The following CDC123 variants were observed in gnomAD, a reference collection of about 807,000 sequenced individuals.
The protein encoded by CDC123 is translation initiation factor eIF2 assembly protein.
A neutral mutation model predicts 54.4 loss-of-function variants in CDC123; 37 were observed. The ratio of observed to expected loss-of-function variants is 0.68; its 90% CI spans 0.52 to 0.89. The LOEUF is 0.89. Among genes scored for constraint, CDC123 ranks in the 40% least tolerant of loss-of-function variants. The probability of loss-of-function intolerance (pLI) is 0.00; values close to 1 mark genes in which losing one functional copy is unlikely to be tolerated. For missense variants in CDC123, 361 were observed against 412.1 expected, an observed-to-expected ratio of 0.88 and a Z score of 1.07; for synonymous variants, 144 against 136.8, an observed-to-expected ratio of 1.05 and a Z score of -0.37.
intron 2 of CDC123, among the ~76,000 whole-genome samples, chr10:12,199,184 G>A (rs142504775): frequency 6.6e-6 from 1 of 152,036 alleles, no homozygotes; most frequent in Non-Finnish European, 1.5e-5. Context: ...AACTACCGTG[G>A]CCCCCCCTCC....
rs199646985 is a variant in CDC123 at position 12,219,301 on chromosome 10, TGTATTG to T, written c.440+1840_440+1845del. On this transcript the variant is annotated intron_variant, in intron 6 of 12. Coordinates refer to ENST00000281141, the MANE Select transcript of CDC123 (RefSeq NM_006023.3). ...ATGTTTATTGTATAAGGATTTTACT[TGTATTG>T]GTATTTCTAGTTTTATAGAAAAAAG... 5.3e-3 allele frequency among the ~76,000 whole-genome samples: 809 copies of T among 152,232 alleles called. 2 individuals are homozygous for T. Among genetic ancestry groups the T allele is most frequent in the African/African-American group, 0.019 (774 of 41,530 alleles).
At chr10:12,215,971 C>T in intron 5 of CDC123, 136 bp downstream of exon 5, 1 of 546,986 alleles carries the variant, frequency 1.8e-6, no homozygotes, top group East Asian at 3.4e-5. Context: ...TATTAATTTC[C>T]CTCTACTGTT....
intron 10 of CDC123, among the ~76,000 whole-genome samples, chr10:12,241,854 C>G (rs1836062458): frequency 6.6e-6 from 1 of 152,140 alleles, no homozygotes; most frequent in African/African-American, 2.4e-5. Flanking sequence ...AGACTGTCGC[C>G]TTCTGGAGTT....
At chr10:12,209,374 C>T (rs1261635041) in intron 2 of CDC123, among the ~76,000 whole-genome samples, 2 of 151,990 alleles carry the variant, frequency 1.3e-5, no homozygotes, top group Non-Finnish European at 2.9e-5. Flanking sequence ...ATAGCTGTGA[C>T]CACAGGTGTT....
intron 6 of CDC123, among the ~76,000 whole-genome samples, chr10:12,229,250 G>A (rs1473699524): frequency 6.6e-6 from 1 of 152,196 alleles, no homozygotes; most frequent in Non-Finnish European, 1.5e-5. Flanking sequence ...TGTGAACACA[G>A]TGATATTCTT....
intron 4 of CDC123, among the ~76,000 whole-genome samples, chr10:12,212,154 G>A (rs570268568): frequency 3.9e-5 from 6 of 152,144 alleles, no homozygotes; most frequent in Non-Finnish European, 8.8e-5. Flanking sequence ...ATATAAAGGT[G>A]TGTGTGTGTA....
At chr10:12,233,278 T>TAC (rs57596982) in intron 7 of CDC123, among the ~76,000 whole-genome samples, 2,804 of 145,646 alleles carry the variant, frequency 0.019, 40 homozygotes, top group East Asian at 0.052. Flanking sequence ...GTATTTAAAA[T>TAC]ACACACACAC....
chr10:12,233,673 T>G (rs1010886940), intron 7 of CDC123, among the ~76,000 whole-genome samples: 7 of 152,090 alleles, frequency 4.6e-5, no homozygotes, highest in Admixed American at 2.0e-4. Flanking sequence ...AGTATTTTAG[T>G]TTCAGATTCA....
chr10:12,221,786 TTTA>T, intron 6 of CDC123, among the ~76,000 whole-genome samples: 1 of 149,432 alleles, frequency 6.7e-6, no homozygotes, highest in Non-Finnish European at 1.5e-5. Context: ...TATTTATTTA[TTTA>T]TTTTTTATTT....
intron 6 of CDC123, among the ~76,000 whole-genome samples, chr10:12,219,812 G>T (rs748869432): frequency 3.0e-4 from 46 of 151,672 alleles, no homozygotes; most frequent in Non-Finnish European, 5.4e-4. Context: ...AGCCTCCCAA[G>T]TAGCTGGGAT....
chr10:12,196,461 T>C, intron 1 of CDC123, 142 bp downstream of exon 1: 2 of 1,144,002 alleles, frequency 1.7e-6, no homozygotes, highest in Non-Finnish European at 2.5e-6. Context: ...ACATCAGCAA[T>C]TGTCTGCGTC....
intron 11 of CDC123, among the ~76,000 whole-genome samples, chr10:12,248,720 C>G (rs1018100680): frequency 6.6e-6 from 1 of 151,836 alleles, no homozygotes; most frequent in African/African-American, 2.4e-5. Flanking sequence ...GCAGGAGAAT[C>G]GCTTGAACCT....
At chr10:12,233,969 G>C (rs749319757) in intron 7 of CDC123, among the ~76,000 whole-genome samples, 1 of 152,040 alleles carries the variant, frequency 6.6e-6, no homozygotes, top group Non-Finnish European at 1.5e-5. Flanking sequence ...TGAGAAAATA[G>C]TGAGAGAGTT....
chr10:12,225,185 G>A (rs551773703), intron 6 of CDC123, among the ~76,000 whole-genome samples: 30 of 152,136 alleles, frequency 2.0e-4, no homozygotes, highest in Admixed American at 8.5e-4. Flanking sequence ...ACCTAAGGTC[G>A]GGAGTTTGAG....
At position 12,196,403 on chromosome 10, in the gene CDC123, G is replaced by T. The variant is rs904629142; in HGVS notation, c.74+84G>T. ...GAATCTTACTGCTATCCAAAAAAAT[G>T]CAGGCCTTCTAGCGACTGCATGGGA... On this transcript the variant is annotated intron_variant, in intron 1 of 12. Transcript: ENST00000281141. 16 of 1,579,414 alleles carry T rather than the reference G, an allele frequency of 1.0e-5. No homozygotes were observed. The African/African-American group carries it at 1.5e-4, about 15-fold the overall frequency.
chr10:12,250,537 T>G lies in CDC123; in HGVS notation c.*200T>G, dbSNP rs1836227441. The G allele has an allele frequency of 1.6e-6, 1 of 631,232 alleles. No individual in the cohort carries two copies. Among genetic ancestry groups the G allele is most frequent in the African/African-American group, 1.9e-5 (1 of 53,650 alleles). The allele number at this position is 631,232 out of a possible 1,614,324, so 39.1% of individuals were successfully genotyped here. On this transcript the variant is annotated 3_prime_UTR_variant, in exon 13 of 13. Coordinates refer to ENST00000281141, the MANE Select transcript of CDC123 (RefSeq NM_006023.3). The stretch of plus-strand genomic sequence containing the variant: ...GTAAAAATAACATAATAAATAGATC[T>G]TAAACATAGGAAAACCATACTGTTC...
intron 6 of CDC123, among the ~76,000 whole-genome samples, chr10:12,218,788 A>T (rs1196280006): frequency 6.6e-6 from 1 of 152,174 alleles, no homozygotes; most frequent in Admixed American, 6.5e-5. Flanking sequence ...TCCTTTTGCC[A>T]GTCACTCTAT....
chr10:12,243,462 A>T (rs1836087294), intron 10 of CDC123, among the ~76,000 whole-genome samples: 1 of 150,754 alleles, frequency 6.6e-6, no homozygotes, highest in South Asian at 2.1e-4. Flanking sequence ...GTGATTGTTT[A>T]AAAAAAAATG....
rs1189638385 is a variant in CDC123, at chr10:12,239,986, C to T, written c.717+1501C>T. Among the ~76,000 whole-genome samples the T allele has an allele frequency of 1.6e-4, 23 of 142,212 alleles. No homozygotes were observed. In the East Asian group the frequency reaches 3.5e-3, roughly 21 times the overall value. The allele number at this position is 142,212 out of a possible 152,430, so 93.3% of individuals were successfully genotyped here. A position where few individuals can be genotyped will look rare whatever the true frequency, so the allele number is the denominator to read the frequency against. Reference sequence around the variant, plus strand: ...TCGCGCCACTGCACTCCAGCCTGGGCTACAGAGCGAGACTCCGTCTCAAAA... The same window carrying T: ...TCGCGCCACTGCACTCCAGCCTGGGTTACAGAGCGAGACTCCGTCTCAAAA... On this transcript the variant is annotated intron_variant, in intron 10 of 12. Transcript: ENST00000281141.
Sources: allele counts gnomAD v4.1 joint callset (sites outside exome capture counted in the v4.1 genomes callset), GRCh38; gene constraint gnomAD v4.1.1; transcripts MANE v1.5; gene names NCBI Gene and HGNC (gene_info 2026-07-23, HGNC 2026-07-21).